The following MAF variants were observed in gnomAD, a reference collection of about 807,000 sequenced individuals.
The protein encoded by MAF is MAF bZIP transcription factor, also known as transcription factor Maf.
Under a neutral mutation model 22.0 loss-of-function variants are expected in MAF, and 10 were observed. The ratio of observed to expected loss-of-function variants is 0.45; its 90% confidence interval spans 0.28 to 0.77. MAF has a LOEUF of 0.77. Ranked by LOEUF, MAF falls within the 30% of genes least tolerant of loss-of-function variation. The pLI is 0.12. For synonymous variants in MAF, 337 were observed against 255.8 expected (o/e 1.32, Z -3.03); for missense variants, 544 against 548.4 (o/e 0.99, Z 0.08).
At chr16:79,444,688 C>T in the MAF span, among the ~76,000 whole-genome samples, 5 of 152,104 alleles carry the variant, frequency 3.3e-5, no homozygotes, top group African/African-American at 9.7e-5. Context: ...CCTTGGACAC[C>T]GAAGCTACAA....
At chr16:79,296,531 A>T in the MAF span, among the ~76,000 whole-genome samples, 6 of 151,744 alleles carry the variant, frequency 4.0e-5, no homozygotes, top group African/African-American at 1.2e-4. Flanking sequence ...AAATAAAATA[A>T]TTTTTTTTTA....
downstream of MAF, among the ~76,000 whole-genome samples, chr16:79,583,884 T>A (rs184019114): frequency 1.3e-5 from 2 of 152,338 alleles, no homozygotes; most frequent in Admixed American, 1.3e-4. Flanking sequence ...GTTGTCTATG[T>A]TAATCTTCAT....
chr16:79,480,128 G>C, the MAF span, among the ~76,000 whole-genome samples: 1 of 152,074 alleles, frequency 6.6e-6, no homozygotes, highest in African/African-American at 2.4e-5. Context: ...TGCTTGGTCT[G>C]GCTGAGATAC....
the MAF span, among the ~76,000 whole-genome samples, chr16:79,328,166 A>G: frequency 1.3e-5 from 2 of 152,188 alleles, no homozygotes; most frequent in Non-Finnish European, 2.9e-5. Context: ...GGTGCCTAGT[A>G]ATATATTGCC....
At chr16:79,495,314 T>A in the MAF span, among the ~76,000 whole-genome samples, 1,044 of 152,154 alleles carry the variant, frequency 6.9e-3, 15 homozygotes, top group African/African-American at 0.023. Context: ...CATTTTTTTT[T>A]AAATGGGACA....
chr16:79,446,232 C>G, the MAF span, among the ~76,000 whole-genome samples: 1 of 152,138 alleles, frequency 6.6e-6, no homozygotes. Flanking sequence ...GGGTATGGTT[C>G]ATAGAGCACT....
At chr16:79,318,649 T>C in the MAF span, among the ~76,000 whole-genome samples, 33 of 152,330 alleles carry the variant, frequency 2.2e-4, 1 homozygote, top group South Asian at 8.3e-4. Context: ...TATATTTTCA[T>C]TGGATACATC....
At chr16:79,595,382 A>G (rs1011592280) in intron 1 of MAF, 27 of 1,051,966 alleles carry the variant, frequency 2.6e-5, no homozygotes, top group Non-Finnish European at 2.9e-5. Context: ...TTTCTTAAAA[A>G]TAAGTCTTTC....
the MAF span, among the ~76,000 whole-genome samples, chr16:79,433,277 A>ATATAT: frequency 4.2e-5 from 5 of 118,926 alleles, no homozygotes; most frequent in Non-Finnish European, 7.8e-5. Flanking sequence ...TAAAAAAAAA[A>ATATAT]ATATATATAT....
chr16:79,555,107 T>G, the MAF span, among the ~76,000 whole-genome samples: 1 of 152,166 alleles, frequency 6.6e-6, no homozygotes, highest in Non-Finnish European at 1.5e-5. Flanking sequence ...TAAGGCTCTG[T>G]CTGGAAATGA....
chr16:79,379,561 G>T, the MAF span, among the ~76,000 whole-genome samples: 1 of 152,022 alleles, frequency 6.6e-6, no homozygotes, highest in Non-Finnish European at 1.5e-5. Flanking sequence ...AATATAAGCA[G>T]ACTAGCTCAA....
chr16:79,549,797 T>C, the MAF span, among the ~76,000 whole-genome samples: 1 of 152,298 alleles, frequency 6.6e-6, no homozygotes, highest in South Asian at 2.1e-4. Flanking sequence ...ACCATCACCC[T>C]ACAGATTGAA....
At chr16:79,464,786 A>T in the MAF span, among the ~76,000 whole-genome samples, 3 of 152,170 alleles carry the variant, frequency 2.0e-5, no homozygotes, top group African/African-American at 7.2e-5. Flanking sequence ...CCTGACCCTG[A>T]TTCCAGAAAA....
the MAF span, among the ~76,000 whole-genome samples, chr16:79,370,419 G>T: frequency 1.3e-5 from 2 of 152,302 alleles, no homozygotes; most frequent in Admixed American, 6.5e-5. Context: ...TGGACTCACA[G>T]AGGTTCTGAC....
At chr16:79,328,786 G>C in the MAF span, among the ~76,000 whole-genome samples, 1 of 152,162 alleles carries the variant, frequency 6.6e-6, no homozygotes, top group Non-Finnish European at 1.5e-5. Context: ...TGAAGAACTG[G>C]TCCTCTCTCA....
At chr16:79,530,764 T>TCC in the MAF span, among the ~76,000 whole-genome samples, 1 of 152,246 alleles carries the variant, frequency 6.6e-6, no homozygotes, top group Non-Finnish European at 1.5e-5. Flanking sequence ...AATTGTGGTT[T>TCC]ATTGTATCCT....
At chr16:79,310,596 G>T in the MAF span, among the ~76,000 whole-genome samples, 2 of 152,174 alleles carry the variant, frequency 1.3e-5, no homozygotes, top group African/African-American at 2.4e-5. Context: ...TGAAACAAAG[G>T]CTCCTGTATC....
At chr16:79,500,859 T>C in the MAF span, among the ~76,000 whole-genome samples, 1 of 151,902 alleles carries the variant, frequency 6.6e-6, no homozygotes, top group Non-Finnish European at 1.5e-5. Context: ...TCTCAGAGAG[T>C]GTATGGAAGA....
At chr16:79,496,870 A>AT in the MAF span, among the ~76,000 whole-genome samples, 5 of 152,148 alleles carry the variant, frequency 3.3e-5, no homozygotes, top group African/African-American at 1.2e-4. Context: ...ATCATGACAA[A>AT]TCCCTCTGAT....
Sources: gnomAD v4.1 joint callset for allele counts (sites outside exome capture counted in the v4.1 genomes callset) on GRCh38, gnomAD v4.1.1 for gene constraint, MANE v1.5 for transcripts, NCBI Gene and HGNC (gene_info 2026-07-23, HGNC 2026-07-21) for gene names.